The following CNTNAP5 variants were observed in gnomAD, a reference collection of about 807,000 sequenced individuals.
CNTNAP5 encodes contactin associated protein family member 5, also known as contactin-associated protein-like 5.
A neutral mutation model predicts 150.2 loss-of-function variants in CNTNAP5; 72 were observed. The observed-to-expected ratio is 0.48, with a 90% CI of 0.40 to 0.58. The LOEUF (loss-of-function observed/expected upper bound fraction) is 0.58. CNTNAP5 is among the 20% of genes least tolerant of loss of function. CNTNAP5 has a pLI of 0.00. For synonymous variants in CNTNAP5, 672 were observed against 619.8 expected (o/e 1.08, Z -1.25); for missense variants, 1,636 against 1,626.2 (o/e 1.01, Z -0.10).
intron 18 of CNTNAP5, among the ~76,000 whole-genome samples, chr2:124,793,022 A>G (rs1681769247): frequency 6.6e-6 from 1 of 152,188 alleles, no homozygotes; most frequent in South Asian, 2.1e-4. Flanking sequence ...GTGCAAACAT[A>G]TGTTGTCTAT....
chr2:124,564,589 C>T (rs1280558242), intron 11 of CNTNAP5, among the ~76,000 whole-genome samples: 5 of 152,028 alleles, frequency 3.3e-5, no homozygotes, highest in African/African-American at 1.2e-4. Flanking sequence ...CTCCTGACCT[C>T]GTGTTCCGCC....
chr2:124,574,891 T>C (rs776079440), intron 11 of CNTNAP5, among the ~76,000 whole-genome samples: 3 of 152,224 alleles, frequency 2.0e-5, no homozygotes, highest in Non-Finnish European at 2.9e-5. Flanking sequence ...CTGTGACTTA[T>C]GTATAGCAAG....
chr2:124,050,879 C>T (rs1681678223), intron 1 of CNTNAP5, among the ~76,000 whole-genome samples: 1 of 152,140 alleles, frequency 6.6e-6, no homozygotes, highest in African/African-American at 2.4e-5. Context: ...TAGTAGGGAC[C>T]AGCCCAGAGA....
chr2:124,120,969 G>A (rs1365129686), intron 1 of CNTNAP5, among the ~76,000 whole-genome samples: 2 of 151,972 alleles, frequency 1.3e-5, no homozygotes, highest in Non-Finnish European at 2.9e-5. Flanking sequence ...GATAAATTTT[G>A]GTGTAAGAAA....
Position 124,068,225 on chromosome 2 carries a change from C to T in CNTNAP5, c.82+42493C>T, listed in dbSNP as rs919972578. Among the ~76,000 whole-genome samples the T allele has an allele frequency of 2.6e-5, 4 of 152,132 alleles. No individual in the cohort carries two copies. The South Asian group carries it at 8.3e-4, about 31-fold the overall frequency. ...AGTCAGTCTTGAATCATTGGCACTA[C>T]CCCTTTCTACCCCCTGGCAGTGGCT... On this transcript the variant is annotated intron_variant, in intron 1 of 23. Transcript: ENST00000682447.
chr2:124,031,766 T>C (rs1558731269), intron 1 of CNTNAP5, among the ~76,000 whole-genome samples: 1 of 152,140 alleles, frequency 6.6e-6, no homozygotes, highest in Non-Finnish European at 1.5e-5. Flanking sequence ...TAAAAACTAT[T>C]TTATAGCCCA....
chr2:124,489,985 AT>A (rs1693978858), intron 7 of CNTNAP5, among the ~76,000 whole-genome samples: 1 of 152,160 alleles, frequency 6.6e-6, no homozygotes. Context: ...AGTTGAGCAC[AT>A]TCTTGCCTCA....
intron 3 of CNTNAP5, among the ~76,000 whole-genome samples, chr2:124,387,382 G>C (rs1050210993): frequency 6.6e-6 from 1 of 152,248 alleles, no homozygotes; most frequent in South Asian, 2.1e-4. Flanking sequence ...TCCATGTGAA[G>C]AGACTACCAA....
At chr2:124,746,048 A>G (rs1320048425) in intron 13 of CNTNAP5, among the ~76,000 whole-genome samples, 2 of 152,212 alleles carry the variant, frequency 1.3e-5, no homozygotes, top group Admixed American at 1.3e-4. Context: ...TCAACCTTGT[A>G]ACATCCTCAG....
At chr2:124,594,369 C>A in intron 11 of CNTNAP5, among the ~76,000 whole-genome samples, 1 of 151,306 alleles carries the variant, frequency 6.6e-6, no homozygotes. Context: ...AGCCAGTTTT[C>A]CCAGCATCGT....
chr2:124,514,874 C>A (rs985863979), intron 8 of CNTNAP5, among the ~76,000 whole-genome samples: 1 of 152,180 alleles, frequency 6.6e-6, no homozygotes, highest in South Asian at 2.1e-4. Context: ...GAGTTTTGGT[C>A]AGGGACCCCA....
chr2:124,284,751 G>A (rs1013115796), intron 3 of CNTNAP5, among the ~76,000 whole-genome samples: 1 of 151,992 alleles, frequency 6.6e-6, no homozygotes, highest in Non-Finnish European at 1.5e-5. Flanking sequence ...AAGAATGAAT[G>A]TTTGAAACAG....
intron 12 of CNTNAP5, among the ~76,000 whole-genome samples, chr2:124,619,941 T>G (rs920739495): frequency 4.5e-5 from 6 of 134,366 alleles, no homozygotes; most frequent in African/African-American, 6.3e-5. Context: ...ATATATGTAG[T>G]GCACACACAC....
chr2:124,850,381 T>C (rs1683130663), intron 19 of CNTNAP5, among the ~76,000 whole-genome samples: 1 of 151,736 alleles, frequency 6.6e-6, no homozygotes, highest in Non-Finnish European at 1.5e-5. Context: ...CAGAGACAAA[T>C]AGGGACACAC....
chr2:124,727,095 C>T (rs1319020533), intron 13 of CNTNAP5, among the ~76,000 whole-genome samples: 1 of 152,052 alleles, frequency 6.6e-6, no homozygotes, highest in Admixed American at 6.6e-5. Context: ...AAAAGACTGA[C>T]CTTTCACCAT....
chr2:124,461,226 A>G (rs1384456417), intron 6 of CNTNAP5, among the ~76,000 whole-genome samples: 3 of 152,244 alleles, frequency 2.0e-5, no homozygotes, highest in South Asian at 2.1e-4. Flanking sequence ...ACACATGCAG[A>G]CGTATGTTTA....
chr2:124,789,522 A>G (rs570225592), intron 17 of CNTNAP5, among the ~76,000 whole-genome samples: 32 of 152,188 alleles, frequency 2.1e-4, no homozygotes, highest in South Asian at 1.2e-3. Flanking sequence ...TTAGTACCCA[A>G]TAGTTATTTT....
chr2:124,551,384 G>T (rs766687710), intron 10 of CNTNAP5, among the ~76,000 whole-genome samples: 1 of 152,104 alleles, frequency 6.6e-6, no homozygotes. Context: ...AACTGTGGGG[G>T]TAAAATGGGA....
chr2:124,846,614 C>T (rs756453282), intron 19 of CNTNAP5, among the ~76,000 whole-genome samples: 55 of 152,138 alleles, frequency 3.6e-4, no homozygotes, highest in Non-Finnish European at 4.4e-5. Flanking sequence ...TGCTGGTGAG[C>T]TGGTATGATC....
Sources: gnomAD v4.1 joint callset for allele counts (sites outside exome capture counted in the v4.1 genomes callset) on GRCh38, gnomAD v4.1.1 for gene constraint, MANE v1.5 for transcripts, NCBI Gene and HGNC (gene_info 2026-07-23, HGNC 2026-07-21) for gene names.